The following GATA4 variants were observed in gnomAD, a reference collection of about 807,000 sequenced individuals.
GATA4 encodes transcription factor GATA-4.
In GATA4, 7 loss-of-function variants were observed where a neutral mutation model predicts 37.9. That is an observed-to-expected ratio of 0.18 (90% CI 0.11 to 0.35). The LOEUF (loss-of-function observed/expected upper bound fraction) is 0.35. Among genes scored for constraint, GATA4 ranks in the 10% least tolerant of loss-of-function variants. The pLI, the probability that GATA4 is intolerant of heterozygous loss-of-function variation, is 1.00. For synonymous variants in GATA4, 372 were observed against 292.6 expected (o/e 1.27, Z -2.77); for missense variants, 647 against 653.0 (o/e 0.99, Z 0.10).
intron 1 of GATA4, chr8:11,706,011 C>T (rs1017340169): frequency 2.6e-5 from 4 of 152,138 alleles, no homozygotes; most frequent in Non-Finnish European, 5.9e-5. Flanking sequence ...TTTTAAAAGT[C>T]AAATACTGGA....
intron 3 of GATA4, 103 bp from the exon 4 acceptor site, chr8:11,750,008 C>T: frequency 1.3e-6 from 2 of 1,545,674 alleles, no homozygotes; most frequent in Non-Finnish European, 1.8e-6. Context: ...AGGGCCCAGC[C>T]CTGCCTCCCG....
At chr8:11,691,882 A>C (rs577924629), upstream of GATA4, 2 of 265,752 alleles carry the variant, frequency 7.5e-6, no homozygotes, top group African/African-American at 4.6e-5. Flanking sequence ...GACCTTTCCC[A>C]GTCCAGGGCT....
intron 1 of GATA4, chr8:11,692,889 C>G (rs1245816226): frequency 1.0e-6 from 1 of 982,740 alleles, no homozygotes; most frequent in African/African-American, 1.8e-5. Context: ...CGCCCGCCGC[C>G]CCGCGCTCGC....
chr8:11,736,460 T>C (rs1042938446), intron 2 of GATA4, among the ~76,000 whole-genome samples: 1 of 152,246 alleles, frequency 6.6e-6, no homozygotes, highest in Admixed American at 6.5e-5. Context: ...CCTTTAAGTC[T>C]GGTCTGCGTG....
chr8:11,677,192 G>C (rs1288134390), intron 1 of GATA4: 1 of 152,736 alleles, frequency 6.5e-6, no homozygotes, highest in South Asian at 2.1e-4. Context: ...AGGTGGGGGA[G>C]GGGAGGGGAA....
At chr8:11,688,949 C>T (rs1799227279), upstream of GATA4, among the ~76,000 whole-genome samples, 1 of 152,198 alleles carries the variant, frequency 6.6e-6, no homozygotes, top group Non-Finnish European at 1.5e-5. Context: ...GGGAGGTGAG[C>T]ACTAATGAAT....
At chr8:11,680,434 C>G (rs1798920558) in intron 1 of GATA4, 1 of 974,618 alleles carries the variant, frequency 1.0e-6, no homozygotes, top group Admixed American at 6.1e-5. Flanking sequence ...AGCTCCCTCT[C>G]ATCGCCTCTC....
At chr8:11,696,367 T>C (rs1033152151) in intron 1 of GATA4, among the ~76,000 whole-genome samples, 3 of 152,226 alleles carry the variant, frequency 2.0e-5, no homozygotes, top group African/African-American at 7.2e-5. Context: ...AAATGGATTT[T>C]GTCTATCATC....
chr8:11,736,475 C>T (rs1208968534), intron 2 of GATA4, among the ~76,000 whole-genome samples: 3 of 152,220 alleles, frequency 2.0e-5, no homozygotes, highest in Non-Finnish European at 1.5e-5. Flanking sequence ...TGCGTGGCTT[C>T]TGATAGCGAA....
At position 11,696,913 on chromosome 8, in the gene GATA4, G is replaced by A. The variant is rs529222951; in HGVS notation, c.-728-3595G>A. Among the ~76,000 whole-genome samples, 276 of 152,350 alleles carry A rather than the reference G, an allele frequency of 1.8e-3. 1 individual carries two copies. Among genetic ancestry groups the A allele is most frequent in the African/African-American group, 6.0e-3 (249 of 41,576 alleles). The stretch of plus-strand genomic sequence containing the variant: ...GCCTACCCATCTGCTCAGGGAGAGT[G>A]TGGGCCCCTGGAACTGGGCATCTGC... On this transcript the variant is annotated intron_variant, in intron 1 of 2. Transcript: ENST00000526974.
intron 1 of GATA4, among the ~76,000 whole-genome samples, chr8:11,678,988 C>A (rs1798867502): frequency 6.6e-6 from 1 of 152,126 alleles, no homozygotes; most frequent in Non-Finnish European, 1.5e-5. Flanking sequence ...AAATAGCTTT[C>A]TAATGTCTTG....
Position 11,722,129 on chromosome 8 carries a change from T to C in GATA4, c.616+13201T>C, listed in dbSNP as rs939386680. On this transcript the variant is annotated intron_variant, in intron 2 of 6. Transcript: ENST00000532059. ...TCCCAAAGTGCCAGGATTACTGGTG[T>C]GAACCACCACACCCCACCTAAATAA... Among the ~76,000 whole-genome samples the C allele has an allele frequency of 2.0e-5, 3 of 152,208 alleles. No individual in the cohort carries two copies. The East Asian group carries it at 5.8e-4, about 29-fold the overall frequency.
intron 6 of GATA4, 45 bp downstream of exon 6, chr8:11,757,128 G>T: frequency 1.9e-6 from 3 of 1,609,172 alleles, no homozygotes; most frequent in South Asian, 1.1e-5. Context: ...TGGGGAGGCC[G>T]ACTGCAGAGT....
At chr8:11,714,122 T>C (rs1800326118) in intron 2 of GATA4, among the ~76,000 whole-genome samples, 1 of 152,244 alleles carries the variant, frequency 6.6e-6, no homozygotes, top group Non-Finnish European at 1.5e-5. Flanking sequence ...TAGGTGTTAC[T>C]GGAAAGGCTA....
chr8:11,729,397 A>G (rs1772542170), intron 2 of GATA4, among the ~76,000 whole-genome samples: 1 of 151,918 alleles, frequency 6.6e-6, no homozygotes, highest in Non-Finnish European at 1.5e-5. Flanking sequence ...GTGAAACCCC[A>G]TCTCTATTAA....
chr8:11,693,477 GAA>G (rs1799391224), intron 1 of GATA4, among the ~76,000 whole-genome samples: 1 of 129,330 alleles, frequency 7.7e-6, no homozygotes, highest in Non-Finnish European at 1.6e-5. Flanking sequence ...AAGGGAGAAA[GAA>G]GAGAGAGAGA....
chr8:11,677,770 C>T (rs947681177), intron 1 of GATA4, among the ~76,000 whole-genome samples: 2 of 152,006 alleles, frequency 1.3e-5, no homozygotes, highest in Admixed American at 1.3e-4. Context: ...GTTTAATTTC[C>T]GATTATTCTG....
intron 1 of GATA4, among the ~76,000 whole-genome samples, chr8:11,694,840 C>CCT (rs150998418): frequency 2.0e-5 from 3 of 151,000 alleles, no homozygotes; most frequent in Admixed American, 6.6e-5. Flanking sequence ...CAATCTCTCT[C>CCT]CTCTCTCTCT....
chr8:11,756,262 C>T (rs1008022795), intron 5 of GATA4, among the ~76,000 whole-genome samples: 3 of 152,182 alleles, frequency 2.0e-5, no homozygotes, highest in Non-Finnish European at 4.4e-5. Context: ...TGCTTTTGTA[C>T]ATTCAACCAT....
Sources: allele counts gnomAD v4.1 joint callset (sites outside exome capture counted in the v4.1 genomes callset), GRCh38; gene constraint gnomAD v4.1.1; transcripts MANE v1.5; gene names NCBI Gene and HGNC (gene_info 2026-07-23, HGNC 2026-07-21).